Variants in PDE10A observed in about 807,000 individuals in gnomAD.
The protein encoded by PDE10A is phosphodiesterase 10A.
A neutral mutation model predicts 97.7 loss-of-function variants in PDE10A; 39 were observed. The ratio of observed to expected loss-of-function variants is 0.40; its 90% CI spans 0.31 to 0.52. PDE10A has a LOEUF of 0.52. PDE10A is among the 20% of genes least tolerant of loss of function. The probability of loss-of-function intolerance (pLI) is 0.56; values close to 1 mark genes in which losing one functional copy is unlikely to be tolerated. For synonymous variants in PDE10A, 371 were observed against 376.8 expected (o/e 0.98, Z 0.18); for missense variants, 731 against 1,047.8 (o/e 0.70, Z 4.17).
intron 1 of PDE10A, among the ~76,000 whole-genome samples, chr6:165,568,044 G>A (rs558831755): frequency 1.6e-5 from 2 of 126,802 alleles, no homozygotes; most frequent in Admixed American, 2.0e-4. Flanking sequence ...TGTCGCCCAG[G>A]CTGGAGTGCA....
chr6:165,933,129 A>T (rs1783195028), intron 1 of PDE10A, among the ~76,000 whole-genome samples: 1 of 152,190 alleles, frequency 6.6e-6, no homozygotes, highest in South Asian at 2.1e-4. Context: ...CTTGTGGTAA[A>T]GTCCCCTCTA....
At chr6:165,360,302 G>A (rs566924609) in intron 18 of PDE10A, among the ~76,000 whole-genome samples, 4 of 152,210 alleles carry the variant, frequency 2.6e-5, no homozygotes, top group East Asian at 1.9e-4. Context: ...CCACTGACCC[G>A]TGAGGAGCTT....
rs926082581 is a variant in PDE10A, at chr6:165,329,029, T to C, written c.*3996A>G. ...TTACATAATTTAAAAATCAGATGAA[T>C]ACTTGCAGTAGAAGAGATCCACTAT... On this transcript the variant is annotated 3_prime_UTR_variant, in exon 22 of 22. Transcript: ENST00000539869. 2.0e-5 allele frequency: 3 copies of C among 152,266 alleles called. No homozygotes were observed. Among genetic ancestry groups the C allele is most frequent in the Non-Finnish European group, 2.9e-5 (2 of 68,042 alleles). 9.4% of individuals were successfully genotyped at this position (152,266 alleles called of 1,614,324 possible).
intron 1 of PDE10A, among the ~76,000 whole-genome samples, chr6:165,723,639 A>G (rs1792219086): frequency 6.6e-6 from 1 of 152,148 alleles, no homozygotes. Flanking sequence ...CCAATCCTAT[A>G]CTTTAGTTCT....
chr6:165,651,134 C>A (rs1160453868), intron 1 of PDE10A, among the ~76,000 whole-genome samples: 4 of 152,216 alleles, frequency 2.6e-5, no homozygotes, highest in African/African-American at 7.2e-5. Flanking sequence ...GCACCTGCCT[C>A]CTCGTGGACT....
chr6:165,492,066 G>C (rs1408989450), intron 2 of PDE10A, among the ~76,000 whole-genome samples: 1 of 152,046 alleles, frequency 6.6e-6, no homozygotes, highest in Admixed American at 6.6e-5. Flanking sequence ...GATGATTCAA[G>C]GCTACTATGA....
intron 1 of PDE10A, among the ~76,000 whole-genome samples, chr6:165,574,253 T>C (rs529803333): frequency 6.6e-6 from 1 of 150,770 alleles, no homozygotes; most frequent in African/African-American, 2.4e-5. Context: ...CTCCATTACA[T>C]TCTTTAAAAA....
At chr6:165,643,693 G>A (rs1789254140) in intron 1 of PDE10A, among the ~76,000 whole-genome samples, 1 of 152,150 alleles carries the variant, frequency 6.6e-6, no homozygotes. Flanking sequence ...GGCTGGGACA[G>A]GCAGGGATGG....
upstream of PDE10A, among the ~76,000 whole-genome samples, chr6:165,667,871 A>G (rs1236060746): frequency 1.3e-5 from 2 of 152,222 alleles, no homozygotes; most frequent in South Asian, 2.1e-4. Context: ...TATTAACTCT[A>G]TTATATAACA....
intron 1 of PDE10A, among the ~76,000 whole-genome samples, chr6:165,722,252 G>T (rs1792184162): frequency 6.6e-6 from 1 of 152,154 alleles, no homozygotes; most frequent in Non-Finnish European, 1.5e-5. Flanking sequence ...CATTATCTGT[G>T]GAGCACAGAA....
At chr6:165,362,508 TAAG>T (rs901094768) in intron 18 of PDE10A, among the ~76,000 whole-genome samples, 52 of 152,100 alleles carry the variant, frequency 3.4e-4, no homozygotes, top group African/African-American at 1.2e-3. Flanking sequence ...AAATATGACA[TAAG>T]AAGAAATAGT....
At position 165,684,035 on chromosome 6, in the gene PDE10A, T is replaced by C. The variant is rs58567685; in HGVS notation, c.-614-140467A>G. Among the ~76,000 whole-genome samples, 255 of 152,142 alleles carry C rather than the reference T, an allele frequency of 1.7e-3. 7 individuals are homozygous for C. The East Asian group carries it at 0.042, about 25-fold the overall frequency. ...TTCTGCCTAGAGTCCCAAATTCTCC[T>C]CCTCCTTCAGATTTTTCTCAAAACT... On this transcript the variant is annotated intron_variant, in intron 1 of 19. Transcript: ENST00000366882.
At chr6:165,558,787 T>C (rs929172221) in intron 1 of PDE10A, among the ~76,000 whole-genome samples, 1 of 152,010 alleles carries the variant, frequency 6.6e-6, no homozygotes, top group African/African-American at 2.4e-5. Context: ...AGATGAATAG[T>C]TAGATGGATA....
intron 18 of PDE10A, among the ~76,000 whole-genome samples, chr6:165,356,182 C>T (rs1783011676): frequency 6.6e-6 from 1 of 152,116 alleles, no homozygotes; most frequent in African/African-American, 2.4e-5. Context: ...CCTCCCTTGA[C>T]ACATGCAGAT....
At chr6:165,507,405 G>A (rs769372617) in intron 2 of PDE10A, among the ~76,000 whole-genome samples, 1 of 152,064 alleles carries the variant, frequency 6.6e-6, no homozygotes, top group Admixed American at 6.6e-5. Flanking sequence ...GATTAAATAA[G>A]CTAACACAGT....
intron 18 of PDE10A, among the ~76,000 whole-genome samples, chr6:165,353,274 G>A (rs1181392570): frequency 6.6e-6 from 1 of 152,028 alleles, no homozygotes; most frequent in Non-Finnish European, 1.5e-5. Flanking sequence ...AAAGAGTCTG[G>A]TATATTTCAT....
intron 1 of PDE10A, among the ~76,000 whole-genome samples, chr6:165,859,697 GT>G (rs1258494984): frequency 1.3e-5 from 2 of 152,140 alleles, no homozygotes; most frequent in African/African-American, 4.8e-5. Context: ...AGTTTTTATT[GT>G]GGTAAAATAC....
intron 18 of PDE10A, among the ~76,000 whole-genome samples, chr6:165,348,773 G>A (rs1398178958): frequency 1.3e-5 from 2 of 152,120 alleles, no homozygotes; most frequent in East Asian, 1.9e-4. Flanking sequence ...TGAATCATGC[G>A]GGCAGTTTCC....
chr6:165,624,339 T>C (rs1788284854), intron 1 of PDE10A, among the ~76,000 whole-genome samples: 1 of 152,120 alleles, frequency 6.6e-6, no homozygotes, highest in African/African-American at 2.4e-5. Context: ...TTCAAAACAC[T>C]TTTATCTCGG....
Sources: gnomAD v4.1 joint callset for allele counts (sites outside exome capture counted in the v4.1 genomes callset) on GRCh38, gnomAD v4.1.1 for gene constraint, MANE v1.5 for transcripts, NCBI Gene and HGNC (gene_info 2026-07-23, HGNC 2026-07-21) for gene names.